The following PTPRN2 variants were observed in gnomAD, a reference collection of about 807,000 sequenced individuals.
PTPRN2 encodes the protein protein tyrosine phosphatase receptor type N2, also known as receptor-type tyrosine-protein phosphatase N2.
A neutral mutation model predicts 118.8 loss-of-function variants in PTPRN2; 74 were observed. The observed-to-expected ratio is 0.62, with a 90% confidence interval of 0.52 to 0.76. The LOEUF is 0.76. Ranked by LOEUF, PTPRN2 falls within the 30% of genes least tolerant of loss-of-function variation. The pLI is 0.00. For synonymous variants in PTPRN2, 641 were observed against 608.0 expected, an observed-to-expected ratio of 1.05 and a Z score of -0.80; for missense variants, 1,481 against 1,394.4, an observed-to-expected ratio of 1.06 and a Z score of -0.99.
intron 2 of PTPRN2, among the ~76,000 whole-genome samples, chr7:158,441,635 T>C (rs1294716435): frequency 6.7e-6 from 1 of 149,140 alleles, no homozygotes; most frequent in Non-Finnish European, 1.5e-5. Context: ...GTGATAGTGA[T>C]GGTGATGGCA....
At chr7:158,187,183 A>C (rs748990703) in intron 5 of PTPRN2, among the ~76,000 whole-genome samples, 2 of 152,234 alleles carry the variant, frequency 1.3e-5, no homozygotes, top group Non-Finnish European at 2.9e-5. Flanking sequence ...TCGCTAATGA[A>C]CAAAGAGAAA....
At chr7:158,568,008 T>C (rs756728878) in intron 1 of PTPRN2, among the ~76,000 whole-genome samples, 8 of 152,126 alleles carry the variant, frequency 5.3e-5, no homozygotes, top group Non-Finnish European at 1.2e-4. Flanking sequence ...ATCCCAACAC[T>C]TTGGGAGGCT....
intron 2 of PTPRN2, among the ~76,000 whole-genome samples, chr7:158,317,429 G>C (rs753496052): frequency 2.0e-4 from 30 of 152,340 alleles, no homozygotes; most frequent in Admixed American, 8.5e-4. Flanking sequence ...GCTCCTTTCC[G>C]GCGGCGCAGG....
chr7:158,439,375 C>G (rs1816813832), intron 2 of PTPRN2, among the ~76,000 whole-genome samples: 1 of 152,126 alleles, frequency 6.6e-6, no homozygotes, highest in African/African-American at 2.4e-5. Context: ...AGACCTTTCT[C>G]AGATATTTTG....
At chr7:158,069,394 T>A (rs1811034365) in intron 11 of PTPRN2, among the ~76,000 whole-genome samples, 1 of 152,136 alleles carries the variant, frequency 6.6e-6, no homozygotes, top group Admixed American at 6.5e-5. Context: ...GGAGATGGGG[T>A]CTCACTATGT....
At chr7:158,549,077 C>T (rs2129450035) in intron 1 of PTPRN2, among the ~76,000 whole-genome samples, 1 of 152,328 alleles carries the variant, frequency 6.6e-6, no homozygotes, top group South Asian at 2.1e-4. Flanking sequence ...GACTGAGAAG[C>T]TGGTTTTCCA....
chr7:157,984,250 TC>T (rs1464235514), intron 11 of PTPRN2, among the ~76,000 whole-genome samples: 2 of 53,214 alleles, frequency 3.8e-5, no homozygotes, highest in Admixed American at 2.1e-4. Flanking sequence ...AGGCTCCACC[TC>T]CCCACGCCAG....
At chr7:158,369,203 T>G (rs970906988) in intron 2 of PTPRN2, among the ~76,000 whole-genome samples, 12 of 151,692 alleles carry the variant, frequency 7.9e-5, no homozygotes, top group Admixed American at 2.6e-4. Flanking sequence ...GACAGCCTAT[T>G]GTGGGACCTT....
chr7:157,599,766 T>C (rs73163819), intron 16 of PTPRN2, among the ~76,000 whole-genome samples: 38,550 of 152,018 alleles, frequency 0.25, 6,289 homozygotes, highest in African/African-American at 0.45. Context: ...GGGAAGGGCA[T>C]GGGTGTCACG....
intron 10 of PTPRN2, among the ~76,000 whole-genome samples, chr7:158,105,209 C>T (rs1815578546): frequency 6.9e-6 from 1 of 144,526 alleles, no homozygotes; most frequent in Admixed American, 6.9e-5. Context: ...AGCTCCATCC[C>T]AACTCCACTC....
At chr7:157,810,318 G>T (rs542519815) in intron 12 of PTPRN2, among the ~76,000 whole-genome samples, 1 of 152,348 alleles carries the variant, frequency 6.6e-6, no homozygotes, top group East Asian at 1.9e-4. Flanking sequence ...ACAGGCGGGC[G>T]CCCTGGCACT....
chr7:157,935,857 GTCGCTCCC>G, intron 11 of PTPRN2, among the ~76,000 whole-genome samples: 1 of 147,438 alleles, frequency 6.8e-6, no homozygotes, highest in East Asian at 2.0e-4. Context: ...CAGCATCTGT[GTCGCTCCC>G]TCAGGGGGGT....
chr7:158,233,417 C>T (rs78592534), intron 3 of PTPRN2, among the ~76,000 whole-genome samples: 1,929 of 151,964 alleles, frequency 0.013, 30 homozygotes, highest in South Asian at 0.055. Context: ...CAATTGAAGA[C>T]GACACAAAAA....
chr7:157,620,409 G>A (rs1803087875), intron 15 of PTPRN2, among the ~76,000 whole-genome samples: 2 of 152,156 alleles, frequency 1.3e-5, no homozygotes, highest in Admixed American at 6.5e-5. Flanking sequence ...CCATTTTCTG[G>A]CAGTGATCCC....
intron 2 of PTPRN2, among the ~76,000 whole-genome samples, chr7:158,468,426 C>T (rs944744035): frequency 1.3e-5 from 2 of 152,214 alleles, no homozygotes; most frequent in Admixed American, 6.5e-5. Context: ...ACAGTCACCT[C>T]GGGAAGCTTC....
intron 6 of PTPRN2, among the ~76,000 whole-genome samples, chr7:158,155,330 G>A (rs945150253): frequency 6.6e-6 from 1 of 152,178 alleles, no homozygotes; most frequent in Non-Finnish European, 1.5e-5. Context: ...CAAAGACAAT[G>A]GGAATCATGC....
chr7:158,522,298 C>G (rs1282006789), intron 1 of PTPRN2, among the ~76,000 whole-genome samples: 5 of 86,446 alleles, frequency 5.8e-5, no homozygotes, highest in African/African-American at 1.1e-4. Context: ...GTCCACGTCA[C>G]AATGGTGGAC....
chr7:157,828,806 A>G (rs1278558733), intron 12 of PTPRN2, among the ~76,000 whole-genome samples: 2 of 152,238 alleles, frequency 1.3e-5, no homozygotes, highest in African/African-American at 4.8e-5. Context: ...CTTTGGCTAA[A>G]AAGGTCCAGT....
chr7:157,967,529 G>A (rs1020428128), intron 11 of PTPRN2, among the ~76,000 whole-genome samples: 9 of 152,214 alleles, frequency 5.9e-5, no homozygotes, highest in South Asian at 2.1e-4. Flanking sequence ...TTGTTGGACC[G>A]TAAAGCAATG....
Sources: gnomAD v4.1 joint callset for allele counts (sites outside exome capture counted in the v4.1 genomes callset) on GRCh38, gnomAD v4.1.1 for gene constraint, MANE v1.5 for transcripts, NCBI Gene and HGNC (gene_info 2026-07-23, HGNC 2026-07-21) for gene names.